The following REPS1 variants were observed in gnomAD, a reference collection of about 807,000 sequenced individuals.
REPS1 encodes the protein RALBP1 associated Eps domain containing 1.
REPS1 carries 39 observed loss-of-function variants against 100.9 expected under a neutral mutation model. That is an observed-to-expected ratio of 0.39 (90% CI 0.30 to 0.50). REPS1 has a LOEUF of 0.50. Among genes scored for constraint, REPS1 ranks in the 20% least tolerant of loss-of-function variants. The probability of loss-of-function intolerance (pLI) is 0.86; values close to 1 mark genes in which losing one functional copy is unlikely to be tolerated. For synonymous variants in REPS1, 324 were observed against 340.3 expected (o/e 0.95, Z 0.53); for missense variants, 821 against 968.5 (o/e 0.85, Z 2.02).
At chr6:138,973,218 A>AC (rs1437711343) in intron 1 of REPS1, among the ~76,000 whole-genome samples, 1 of 152,194 alleles carries the variant, frequency 6.6e-6, no homozygotes, top group African/African-American at 2.4e-5. Flanking sequence ...AGGATGTCAA[A>AC]CTAAAAAACA....
At chr6:138,947,565 G>A (rs1398367915) in intron 2 of REPS1, among the ~76,000 whole-genome samples, 1 of 152,074 alleles carries the variant, frequency 6.6e-6, no homozygotes, top group African/African-American at 2.4e-5. Context: ...AGTACATATA[G>A]TCAAATACAG....
At chr6:138,920,190 ATG>A in intron 12 of REPS1, 23 bp downstream of exon 12, 1 of 1,196,566 alleles carries the variant, frequency 8.4e-7, no homozygotes. Context: ...TAAACTTCAA[ATG>A]GAAGATGTAA....
chr6:138,964,207 T>C (rs1020382827), intron 1 of REPS1, among the ~76,000 whole-genome samples: 4 of 151,924 alleles, frequency 2.6e-5, no homozygotes, highest in African/African-American at 9.7e-5. Context: ...GACATTCTCT[T>C]GTTTTTTTTT....
intron 1 of REPS1, among the ~76,000 whole-genome samples, chr6:138,961,917 G>A (rs1260445156): frequency 6.6e-6 from 1 of 152,182 alleles, no homozygotes; most frequent in Non-Finnish European, 1.5e-5. Flanking sequence ...ACTAAGGAGT[G>A]CAGGTGTAAA....
chr6:138,961,071 T>C (rs901181329), intron 1 of REPS1, among the ~76,000 whole-genome samples: 4 of 152,040 alleles, frequency 2.6e-5, no homozygotes, highest in African/African-American at 9.7e-5. Context: ...TCAAGAAAAA[T>C]GATGTTCATG....
At chr6:138,948,036 C>A in intron 1 of REPS1, 123 bp from the exon 2 acceptor site, 1 of 709,488 alleles carries the variant, frequency 1.4e-6, no homozygotes, top group Non-Finnish European at 2.0e-6. Context: ...ATAATACTCA[C>A]AACTGACAAC....
intron 8 of REPS1, among the ~76,000 whole-genome samples, chr6:138,937,205 C>T (rs1194034438): frequency 6.6e-6 from 1 of 152,104 alleles, no homozygotes; most frequent in African/African-American, 2.4e-5. Flanking sequence ...TTACCTCCCA[C>T]CGGGTCCCTC....
chr6:138,966,156 AGC>A lies in REPS1; in HGVS notation c.154-18245_154-18244del, dbSNP rs1784009139. 2.0e-5 allele frequency among the ~76,000 whole-genome samples: 3 copies of A among 152,292 alleles called. No individual in the cohort carries two copies. The South Asian group carries it at 6.2e-4, about 32-fold the overall frequency. On this transcript the variant is annotated intron_variant, in intron 1 of 19. Transcript: ENST00000450536. ...CCACTATTGCTCCTCTAGTGGGAGA[AGC>A]AGGAGCCCACAATTATTCCTAAGTG... is the stretch of plus-strand genomic sequence containing the variant.
At chr6:138,935,914 G>A (rs1285967457) in intron 8 of REPS1, among the ~76,000 whole-genome samples, 1 of 146,550 alleles carries the variant, frequency 6.8e-6, no homozygotes. Flanking sequence ...TACTTTTTTT[G>A]GGGGTATAAT....
chr6:138,969,899 C>T (rs1784241519), intron 1 of REPS1, among the ~76,000 whole-genome samples: 1 of 112,146 alleles, frequency 8.9e-6, no homozygotes, highest in Non-Finnish European at 1.7e-5. Flanking sequence ...AGTACCTCAT[C>T]TCTAGACCTT....
chr6:138,928,496 GAA>G (rs143736627), intron 9 of REPS1: 1 of 151,462 alleles, frequency 6.6e-6, no homozygotes, highest in Non-Finnish European at 1.5e-5. Flanking sequence ...TTCACATATC[GAA>G]AAAAAATTAT....
intron 1 of REPS1, among the ~76,000 whole-genome samples, chr6:138,962,181 A>G (rs1783778364): frequency 6.6e-6 from 1 of 152,198 alleles, no homozygotes; most frequent in African/African-American, 2.4e-5. Flanking sequence ...ATAAATGGCA[A>G]GACTGCAATA....
chr6:138,926,244 G>A (rs899301664), intron 10 of REPS1, among the ~76,000 whole-genome samples, 157 bp downstream of exon 10: 1 of 152,124 alleles, frequency 6.6e-6, no homozygotes, highest in Non-Finnish European at 1.5e-5. Context: ...GGCAAAAAAT[G>A]TCTTTCCCAC....
intron 8 of REPS1, among the ~76,000 whole-genome samples, chr6:138,933,082 G>A (rs1439488859): frequency 1.3e-5 from 2 of 152,080 alleles, no homozygotes; most frequent in Non-Finnish European, 2.9e-5. Context: ...TCAAGTTAAA[G>A]TACAAAAAAA....
intron 1 of REPS1, among the ~76,000 whole-genome samples, chr6:138,970,337 A>G (rs1454312410): frequency 6.6e-6 from 1 of 152,112 alleles, no homozygotes; most frequent in Non-Finnish European, 1.5e-5. Context: ...AGAGTATTTC[A>G]GCTCCACGAT....
intron 1 of REPS1, among the ~76,000 whole-genome samples, chr6:138,956,247 A>C (rs1783379971): frequency 6.6e-6 from 1 of 152,102 alleles, no homozygotes; most frequent in African/African-American, 2.4e-5. Flanking sequence ...AGAAAATTTC[A>C]ATAAATTTTT....
At chr6:138,912,734 C>T in intron 16 of REPS1, 31 bp downstream of exon 16, 1 of 1,609,212 alleles carries the variant, frequency 6.2e-7, no homozygotes, top group Non-Finnish European at 8.5e-7. Context: ...TGACTGCCTG[C>T]AGAAAATTAG....
chr6:138,954,217 G>T (rs1351345769), intron 1 of REPS1, among the ~76,000 whole-genome samples: 1 of 152,000 alleles, frequency 6.6e-6, no homozygotes, highest in Non-Finnish European at 1.5e-5. Context: ...TTTGTTAAGG[G>T]ACACAAAATG....
Position 138,941,408 on chromosome 6 carries a change from C to T in REPS1, c.1062G>A (p.Lys354=), listed in dbSNP as rs991688951. 3.7e-6 allele frequency: 6 copies of T among 1,613,928 alleles called. No individual in the cohort carries two copies. Among genetic ancestry groups the T allele is most frequent in the African/African-American group, 1.3e-5 (1 of 74,916 alleles). The change falls in exon 8 of 20, where the codon AAG becomes AAA. Residue 354 remains lysine (K), a synonymous_variant. Transcript: ENST00000450536. ...GTTTTTCTGGTAAATCATAGCCATT[C>T]TTCCTAGCAACCACCAGATGAAAAG... ...CAAFHLVVAR[K]NGYDLPEKLP...
Sources: gnomAD v4.1 joint callset for allele counts (sites outside exome capture counted in the v4.1 genomes callset) on GRCh38, gnomAD v4.1.1 for gene constraint, MANE v1.5 for transcripts, NCBI Gene and HGNC (gene_info 2026-07-23, HGNC 2026-07-21) for gene names.